ENTPD5: variants seen among roughly 807,000 people sequenced by gnomAD.
The protein encoded by ENTPD5 is nucleoside diphosphate phosphatase ENTPD5.
In ENTPD5, 49 loss-of-function variants were observed where a neutral mutation model predicts 60.2. That is an observed-to-expected ratio of 0.81 (90% CI 0.65 to 1.03). The LOEUF (loss-of-function observed/expected upper bound fraction) is 1.03. Among genes scored for constraint, ENTPD5 ranks in the 50% least tolerant of loss-of-function variants. The pLI, the probability that ENTPD5 is intolerant of heterozygous loss-of-function variation, is 0.00. For missense variants in ENTPD5, 480 were observed against 507.6 expected (o/e 0.95, Z 0.52); for synonymous variants, 187 against 185.4 (o/e 1.01, Z -0.07).
At chr14:73,971,388 C>T (rs2057218283) in intron 14 of ENTPD5, among the ~76,000 whole-genome samples, 1 of 152,140 alleles carries the variant, frequency 6.6e-6, no homozygotes, top group Non-Finnish European at 1.5e-5. Flanking sequence ...AACTCCTGAC[C>T]TCAGGTGATC....
At chr14:73,961,582 GATACTATGGGGAA>G (rs1225807442), downstream of ENTPD5, 1 of 1,613,722 alleles carries the variant, frequency 6.2e-7, no homozygotes, top group East Asian at 2.2e-5. Context: ...TAAGGATTCA[GATACTATGGGGAA>G]GTATCCAGAG....
chr14:73,962,965 T>C (rs758647874), downstream of ENTPD5: 2 of 1,605,064 alleles, frequency 1.2e-6, no homozygotes, highest in African/African-American at 2.7e-5. Context: ...TTATTTTTTC[T>C]CCAGGAACAG....
intron 3 of ENTPD5, among the ~76,000 whole-genome samples, chr14:73,993,123 G>A (rs982377230): frequency 1.3e-5 from 2 of 152,146 alleles, no homozygotes; most frequent in African/African-American, 2.4e-5. Flanking sequence ...GATTGTTTGA[G>A]GTCAGGAGTT....
chr14:73,972,591 G>A (rs1444162807), intron 13 of ENTPD5, among the ~76,000 whole-genome samples: 3 of 151,966 alleles, frequency 2.0e-5, no homozygotes, highest in Non-Finnish European at 2.9e-5. Flanking sequence ...ATGTGCTGAT[G>A]GATTCATGGG....
At chr14:73,971,291 G>A (rs992254016) in intron 14 of ENTPD5, among the ~76,000 whole-genome samples, 9 of 151,818 alleles carry the variant, frequency 5.9e-5, no homozygotes, top group Admixed American at 1.3e-4. Flanking sequence ...CCGAGTAGCT[G>A]GGATTACAGG....
intron 6 of ENTPD5, among the ~76,000 whole-genome samples, chr14:73,982,360 C>T (rs920091573): frequency 1.3e-5 from 2 of 152,084 alleles, no homozygotes; most frequent in Non-Finnish European, 2.9e-5. Context: ...CAGGTGTGAG[C>T]CACCGTGCCC....
At chr14:73,982,638 C>T (rs2057738967) in intron 6 of ENTPD5, among the ~76,000 whole-genome samples, 2 of 151,914 alleles carry the variant, frequency 1.3e-5, no homozygotes, top group Admixed American at 6.6e-5. Context: ...TGCCTGTAGT[C>T]CCAGCTACTC....
downstream of ENTPD5, chr14:73,958,045 C>A: frequency 2.2e-6 from 2 of 893,484 alleles, no homozygotes; most frequent in Non-Finnish European, 3.8e-6. Flanking sequence ...AATGACAAGA[C>A]ACTGCTGTCC....
chr14:73,968,639 T>C (rs1482614050), intron 15 of ENTPD5, among the ~76,000 whole-genome samples: 2 of 152,188 alleles, frequency 1.3e-5, no homozygotes, highest in East Asian at 3.9e-4. Flanking sequence ...TTGGCTAGGC[T>C]GGTCTCGAAC....
chr14:73,961,701 T>C (rs770426228), downstream of ENTPD5: 37 of 1,613,156 alleles, frequency 2.3e-5, no homozygotes, highest in Non-Finnish European at 3.1e-5. Flanking sequence ...AACCTTATTA[T>C]TGGATTAGGG....
At chr14:73,996,131 G>A (rs2140738414) in intron 3 of ENTPD5, 1 of 985,250 alleles carries the variant, frequency 1.0e-6, no homozygotes, top group Non-Finnish European at 1.2e-6. Context: ...CCGGTTCCCT[G>A]AGTCCTTGCT....
At chr14:73,961,276 C>T, downstream of ENTPD5, 1 of 1,614,180 alleles carries the variant, frequency 6.2e-7, no homozygotes, top group East Asian at 2.2e-5. Context: ...CGCCAGCTGC[C>T]CCCAAGCGTA....
chr14:73,979,942 G>GT (rs1227416401), intron 6 of ENTPD5, among the ~76,000 whole-genome samples: 1 of 135,412 alleles, frequency 7.4e-6, no homozygotes, highest in African/African-American at 2.9e-5. Context: ...TTTTTGCCAT[G>GT]ATTTTTTTTT....
At chr14:74,015,744 T>A (rs1424974690) in intron 2 of ENTPD5, 80 bp downstream of exon 2, 1 of 152,046 alleles carries the variant, frequency 6.6e-6, no homozygotes, top group Non-Finnish European at 1.5e-5. Context: ...AAACAGAGAA[T>A]TAAATTCAGG....
chr14:73,977,963 T>C (rs1193605714), intron 6 of ENTPD5, among the ~76,000 whole-genome samples: 1 of 152,184 alleles, frequency 6.6e-6, no homozygotes, highest in Non-Finnish European at 1.5e-5. Flanking sequence ...ATACAGACCA[T>C]TGATATGGGT....
At chr14:73,958,994 C>T (rs781215265), downstream of ENTPD5, 33 of 1,614,062 alleles carry the variant, frequency 2.0e-5, no homozygotes, top group Middle Eastern at 1.7e-4. Context: ...GTCACAACTC[C>T]GGAGTACGGC....
At chr14:73,970,183 T>C in intron 14 of ENTPD5, 58 bp from the exon 15 acceptor site, 1 of 1,291,796 alleles carries the variant, frequency 7.7e-7, no homozygotes, top group Non-Finnish European at 1.1e-6. Flanking sequence ...AGGTGTAGGA[T>C]TTTCTCTTAG....
intron 3 of ENTPD5, among the ~76,000 whole-genome samples, chr14:73,999,730 T>G (rs2058448249): frequency 6.6e-6 from 1 of 151,794 alleles, no homozygotes; most frequent in East Asian, 1.9e-4. Flanking sequence ...AGGCGGAGGT[T>G]GCAGTGAGCC....
intron 2 of ENTPD5, among the ~76,000 whole-genome samples, chr14:74,011,597 G>A (rs1390580500): frequency 6.6e-6 from 1 of 152,052 alleles, no homozygotes; most frequent in Non-Finnish European, 1.5e-5. Context: ...AGGAGTTTGT[G>A]ACCAACCTGG....
Sources: gnomAD v4.1 joint callset for allele counts (sites outside exome capture counted in the v4.1 genomes callset) on GRCh38, gnomAD v4.1.1 for gene constraint, MANE v1.5 for transcripts, NCBI Gene and HGNC (gene_info 2026-07-23, HGNC 2026-07-21) for gene names.